The following VGLL3 variants were observed in gnomAD, a reference collection of about 807,000 sequenced individuals.
The protein encoded by VGLL3 is transcription cofactor vestigial-like protein 3.
A neutral mutation model predicts 29.2 loss-of-function variants in VGLL3; 18 were observed. The ratio of observed to expected loss-of-function variants is 0.62; its 90% CI spans 0.43 to 0.91. VGLL3 has a LOEUF of 0.91. Among genes scored for constraint, VGLL3 ranks in the 40% least tolerant of loss-of-function variants. The pLI is 0.00. For missense variants in VGLL3, 440 were observed against 413.2 expected (o/e 1.06, Z -0.56); for synonymous variants, 180 against 151.8 (o/e 1.19, Z -1.36).
chr3:86,969,582 T>C (rs1399113560), intron 2 of VGLL3, among the ~76,000 whole-genome samples: 1 of 152,196 alleles, frequency 6.6e-6, no homozygotes, highest in Non-Finnish European at 1.5e-5. Context: ...AAATGAAACA[T>C]TTTAATGCCG....
At chr3:86,976,382 ATTGT>A (rs1705211702) in intron 2 of VGLL3, among the ~76,000 whole-genome samples, 1 of 152,188 alleles carries the variant, frequency 6.6e-6, no homozygotes, top group Non-Finnish European at 1.5e-5. Flanking sequence ...TTTTGTAACA[ATTGT>A]TTGTTTCCTG....
Position 86,990,918 on chromosome 3 carries a change from G to A in VGLL3, c.-175C>T, listed in dbSNP as rs1178065424. The A allele has an allele frequency of 9.0e-7, 1 of 1,106,842 alleles. No individual in the cohort carries two copies. Among genetic ancestry groups the A allele is most frequent in the Non-Finnish European group, 1.1e-6 (1 of 904,824 alleles). The allele number at this position is 1,106,842 out of a possible 1,614,324, so 68.6% of individuals were successfully genotyped here. A position where few individuals can be genotyped will look rare whatever the true frequency, so the allele number is the denominator to read the frequency against. The stretch of plus-strand genomic sequence containing the variant: ...TCCGCGCGGGGCGCGGGGTCGGGAG[G>A]GACTGGCAATCAGCGGGGGCCCATG... On this transcript the variant is annotated 5_prime_UTR_variant, in exon 1 of 4. Coordinates refer to ENST00000398399, the MANE Select transcript of VGLL3 (RefSeq NM_016206.4).
intron 1 of VGLL3, chr3:86,990,338 A>G (rs972721873): frequency 3.0e-5 from 30 of 985,288 alleles, no homozygotes; most frequent in African/African-American, 2.6e-4. Context: ...GCTTCAGAGA[A>G]CTGAGTCCTA....
At position 86,990,797 on chromosome 3, in the gene VGLL3, C is replaced by A; in HGVS notation, c.-54G>T. 1 of 1,233,504 alleles carries A rather than the reference C, an allele frequency of 8.1e-7. No homozygotes were observed. Among genetic ancestry groups the A allele is most frequent in the Non-Finnish European group, 1.0e-6 (1 of 982,408 alleles). 76.4% of individuals were successfully genotyped at this position (1,233,504 alleles called of 1,614,324 possible). ...CTGCCGCCGCCGCTCTACGCGCTGG[C>A]GCGAGGGGCGCGGGCGCCGCCGCCG... On this transcript the variant is annotated 5_prime_UTR_variant, in exon 1 of 4. Coordinates refer to ENST00000398399, the MANE Select transcript of VGLL3 (RefSeq NM_016206.4).
At chr3:86,953,450 T>C (rs890453301) in intron 3 of VGLL3, among the ~76,000 whole-genome samples, 1 of 152,162 alleles carries the variant, frequency 6.6e-6, no homozygotes, top group Admixed American at 6.5e-5. Context: ...AAAGTTGCTG[T>C]TACTTGTGTG....
chr3:86,946,409 G>A lies in VGLL3; in HGVS notation c.*615C>T, dbSNP rs771435682. 1 of 152,058 alleles carries A rather than the reference G, an allele frequency of 6.6e-6. No homozygotes were observed. Among genetic ancestry groups the A allele is most frequent in the African/African-American group, 2.4e-5 (1 of 41,420 alleles). The allele number at this position is 152,058 out of a possible 1,614,324, so 9.4% of individuals were successfully genotyped here. A position where few individuals can be genotyped will look rare whatever the true frequency, so the allele number is the denominator to read the frequency against. On this transcript the variant is annotated 3_prime_UTR_variant, in exon 4 of 4. Transcript: ENST00000398399. ...GTTTGACTACGGTATAGCTACTTTT[G>A]TAAGAAGGAAAAAAACAAAACATTT...
chr3:86,983,859 AT>A (rs1317321655), intron 1 of VGLL3, among the ~76,000 whole-genome samples: 7 of 152,350 alleles, frequency 4.6e-5, no homozygotes, highest in South Asian at 2.1e-4. Context: ...CAGAATAAGT[AT>A]TCCCAAGTAA....
In VGLL3 at chr3:86,947,048, C is replaced by T. The variant is rs1704523015; in HGVS notation, c.957G>A (p.Lys319=). 2.6e-6 allele frequency: 2 copies of T among 780,460 alleles called. No individual in the cohort carries two copies. Among genetic ancestry groups the T allele is most frequent in the African/African-American group, 1.7e-5 (1 of 59,106 alleles). The allele number at this position is 780,460 out of a possible 1,614,324, so 48.3% of individuals were successfully genotyped here. Residue 319 remains lysine (K), a synonymous_variant, in exon 4 of 4, where the codon AAG becomes AAA. Coordinates refer to ENST00000398399, the MANE Select transcript of VGLL3 (RefSeq NM_016206.4). The part of the protein sequence containing the change: ...GFDTGLQHQD[K]SKESPWY Reference sequence around the variant, plus strand: ...TTCAGTACCACGGTGATTCCTTACTCTTGTCTTGATGCTGTAGACCTGGAA... The same window carrying T: ...TTCAGTACCACGGTGATTCCTTACTTTTGTCTTGATGCTGTAGACCTGGAA...
intron 3 of VGLL3, among the ~76,000 whole-genome samples, chr3:86,958,999 A>G (rs994282191): frequency 6.6e-6 from 1 of 152,216 alleles, no homozygotes; most frequent in Non-Finnish European, 1.5e-5. Flanking sequence ...CCAAATCATC[A>G]TAAACTCAAT....
At chr3:86,977,297 G>A (rs1705229089) in intron 2 of VGLL3, among the ~76,000 whole-genome samples, 1 of 152,050 alleles carries the variant, frequency 6.6e-6, no homozygotes, top group Non-Finnish European at 1.5e-5. Flanking sequence ...GAAAAGAAAG[G>A]TCAAGTAGGT....
At chr3:86,973,723 C>A (rs746377396) in intron 2 of VGLL3, among the ~76,000 whole-genome samples, 1 of 152,134 alleles carries the variant, frequency 6.6e-6, no homozygotes, top group Non-Finnish European at 1.5e-5. Flanking sequence ...ACAGGCCCTC[C>A]TTTTCCTTTC....
intron 1 of VGLL3, among the ~76,000 whole-genome samples, chr3:86,984,898 T>C (rs568267282): frequency 4.6e-4 from 70 of 152,260 alleles, no homozygotes; most frequent in African/African-American, 1.7e-3. Flanking sequence ...ATTCCAAAAT[T>C]TAAAAGTAAG....
chr3:86,990,621 C>A lies in VGLL3; in HGVS notation c.123G>T (p.Gln41His), dbSNP rs1199851325. The A allele has an allele frequency of 1.5e-6, 2 of 1,355,562 alleles. No individual in the cohort carries two copies. The highest frequency in any genetic ancestry group is 9.6e-7 in the Non-Finnish European group (1 of 1,044,926). 84.0% of individuals were successfully genotyped at this position (1,355,562 alleles called of 1,614,324 possible). A position where few individuals can be genotyped will look rare whatever the true frequency, so the allele number is the denominator to read the frequency against. The change falls in exon 1 of 4, where the codon CAG (glutamine) becomes CAT (histidine). Residue 41 changes from glutamine to histidine, a missense_variant. By Grantham distance (24) the Gln-to-His change is conservative. Transcript: ENST00000398399. ...AYYQPAPQPG[Q>H]QKKLAVFSKM... The stretch of plus-strand genomic sequence containing the variant: ...GGCTGCCCGTCCGGTGACTCACCTG[C>A]TGGCCAGGTTGGGGCGCCGGCTGAT...
Position 86,947,016 on chromosome 3 carries a change from T to A in VGLL3, c.*8A>T, listed in dbSNP as rs551102255. 1 of 780,464 alleles carries A rather than the reference T, an allele frequency of 1.3e-6. No individual in the cohort carries two copies. The highest frequency in any genetic ancestry group is 2.4e-5 in the East Asian group (1 of 41,228). 48.3% of individuals were successfully genotyped at this position (780,464 alleles called of 1,614,324 possible). A position where few individuals can be genotyped will look rare whatever the true frequency, so the allele number is the denominator to read the frequency against. The stretch of plus-strand genomic sequence containing the variant: ...ATGCTGCAACTTAACTCACTAAGAT[T>A]GTGTGTTTCAGTACCACGGTGATTC... On this transcript the variant is annotated 3_prime_UTR_variant, in exon 4 of 4. Coordinates refer to ENST00000398399, the MANE Select transcript of VGLL3 (RefSeq NM_016206.4).
At chr3:86,976,975 A>T (rs1412714621) in intron 2 of VGLL3, among the ~76,000 whole-genome samples, 1 of 152,194 alleles carries the variant, frequency 6.6e-6, no homozygotes, top group Non-Finnish European at 1.5e-5. Context: ...ATTATTCATC[A>T]CGTCCTGTTA....
chr3:86,959,529 C>T (rs1268478344), intron 3 of VGLL3, among the ~76,000 whole-genome samples: 6 of 151,978 alleles, frequency 3.9e-5, no homozygotes, highest in Admixed American at 6.6e-5. Flanking sequence ...TATCACAGTG[C>T]TTTAATATTT....
rs977116107 is a variant in VGLL3 at position 86,939,213 on chromosome 3, G to A, written c.*7811C>T. On this transcript the variant is annotated 3_prime_UTR_variant, in exon 4 of 4. Coordinates refer to ENST00000398399, the MANE Select transcript of VGLL3 (RefSeq NM_016206.4). ...AATAGTCCTTCTCGATTACAAGAGT[G>A]ATAGAAAATGATGGAAGTCCAATAC... 3.9e-5 allele frequency: 6 copies of A among 152,198 alleles called. No individual in the cohort carries two copies. Among genetic ancestry groups the A allele is most frequent in the African/African-American group, 1.4e-4 (6 of 41,450 alleles). The allele number at this position is 152,198 out of a possible 1,614,324, so 9.4% of individuals were successfully genotyped here.
intron 3 of VGLL3, among the ~76,000 whole-genome samples, chr3:86,948,323 G>C (rs1704546600): frequency 6.6e-6 from 1 of 152,136 alleles, no homozygotes; most frequent in Non-Finnish European, 1.5e-5. Flanking sequence ...ATGGATGTCA[G>C]AAATTTAATA....
intron 3 of VGLL3, among the ~76,000 whole-genome samples, chr3:86,953,125 T>G (rs531072018): frequency 6.6e-6 from 1 of 152,254 alleles, no homozygotes; most frequent in Non-Finnish European, 1.5e-5. Flanking sequence ...TTTAAAACAT[T>G]TTTAAAACTC....
Sources: allele counts gnomAD v4.1 joint callset (sites outside exome capture counted in the v4.1 genomes callset), GRCh38; gene constraint gnomAD v4.1.1; transcripts MANE v1.5; gene names NCBI Gene and HGNC (gene_info 2026-07-23, HGNC 2026-07-21).